The following PSG5 variants were observed in gnomAD, a reference collection of about 807,000 sequenced individuals.
PSG5 encodes pregnancy-specific beta-1-glycoprotein 5.
Under a neutral mutation model 37.7 loss-of-function variants are expected in PSG5, and 53 were observed. The observed-to-expected ratio is 1.41, with a 90% CI of 1.13 to 1.77. PSG5 has a LOEUF of 1.77. PSG5 is among the 40% of genes most tolerant of loss of function. The pLI is 0.00. For missense variants in PSG5, 547 were observed against 405.2 expected (o/e 1.35, Z -3.00); for synonymous variants, 221 against 155.4 (o/e 1.42, Z -3.14).
rs759355689 is a variant in PSG5, at chr19:43,175,467, C to G, written c.712G>C (p.Gly238Arg). The G allele has an allele frequency of 4.4e-6, 7 of 1,603,998 alleles. No homozygotes were observed. The South Asian group carries it at 7.8e-5, about 18-fold the overall frequency. Residue 238 changes from glycine (G) to arginine (R), a missense_variant and splice_region_variant, in exon 4 of 6, where the codon GGT becomes CGT. Physicochemically the swap from Gly to Arg is moderately radical, Grantham distance 125. Coordinates refer to ENST00000342951, the MANE Select transcript of PSG5 (RefSeq NM_002781.4). Reference sequence around the variant, plus strand: ...GGGTAAATGCTGGGGAGGTCTGGACCATCTGGAGCAAAGAGAATGAAGCCA... The same window carrying G: ...GGGTAAATGCTGGGGAGGTCTGGACGATCTGGAGCAAAGAGAATGAAGCCA... Reference protein sequence around the residue: ...SDPVTLNVLYGPDLPSIYPSF... With the variant: ...SDPVTLNVLYRPDLPSIYPSF...
At chr19:43,180,976 A>G (rs1255444853) in intron 2 of PSG5, among the ~76,000 whole-genome samples, 5 of 151,710 alleles carry the variant, frequency 3.3e-5, no homozygotes, top group African/African-American at 1.2e-4. Context: ...CAAAACAGGT[A>G]TGTGAAATGC....
intron 2 of PSG5, chr19:43,180,684 G>C (rs1263846382): frequency 6.6e-6 from 1 of 151,570 alleles, no homozygotes; most frequent in Non-Finnish European, 1.5e-5. Flanking sequence ...AAGATCAATT[G>C]CTGGTAGTAG....
At chr19:43,179,230 G>A (rs1369150362) in intron 2 of PSG5, 3 of 1,458,594 alleles carry the variant, frequency 2.1e-6, no homozygotes, top group East Asian at 4.5e-5. Context: ...TTCAATCAGA[G>A]TTGGCATTTC....
At chr19:43,174,654 C>G (rs1466893754) in intron 4 of PSG5, 2 of 980,558 alleles carry the variant, frequency 2.0e-6, no homozygotes, top group South Asian at 4.7e-5. Flanking sequence ...TCAGGACAGG[C>G]CACCAGGACT....
At chr19:43,171,009 G>A (rs1328474143) in intron 4 of PSG5, 1 of 147,628 alleles carries the variant, frequency 6.8e-6, no homozygotes, top group African/African-American at 2.5e-5. Context: ...GAAAAAGGTA[G>A]GTACTGTTGA....
At chr19:43,174,986 C>G in intron 4 of PSG5, 2 of 1,399,556 alleles carry the variant, frequency 1.4e-6, no homozygotes, top group South Asian at 1.5e-5. Context: ...CTGATAAAGC[C>G]CCCTCCCTAA....
At chr19:43,178,727 C>G (rs1969063532) in intron 2 of PSG5, among the ~76,000 whole-genome samples, 1 of 151,620 alleles carries the variant, frequency 6.6e-6, no homozygotes, top group Admixed American at 6.6e-5. Flanking sequence ...TAGGCCTACT[C>G]TGTTTTGCCT....
chr19:43,174,245 A>G (rs1968958674), intron 4 of PSG5: 1 of 179,882 alleles, frequency 5.6e-6, no homozygotes, highest in Admixed American at 6.6e-5. Context: ...TTGGGTACAG[A>G]GGTTTAATAT....
chr19:43,184,187 C>A (rs1466188681), intron 2 of PSG5, among the ~76,000 whole-genome samples: 1 of 151,696 alleles, frequency 6.6e-6, no homozygotes, highest in Non-Finnish European at 1.5e-5. Flanking sequence ...CCTCTCCACT[C>A]TGAGTGTCAG....
intron 2 of PSG5, among the ~76,000 whole-genome samples, chr19:43,176,752 A>G (rs571702242): frequency 6.6e-6 from 1 of 150,698 alleles, no homozygotes; most frequent in Non-Finnish European, 1.5e-5. Context: ...AGTGTTTTGC[A>G]GGTGTTTCAT....
At position 43,185,162 on chromosome 19, in the gene PSG5, A is replaced by G. The variant is rs1966906087; in HGVS notation, c.65-15T>C. The G allele has an allele frequency of 1.3e-6, 2 of 1,586,864 alleles. No homozygotes were observed. The highest frequency in any genetic ancestry group is 8.6e-7 in the Non-Finnish European group (1 of 1,166,018). On this transcript the variant is annotated splice_polypyrimidine_tract_variant and intron_variant, in intron 1 of 5. Transcript: ENST00000342951. Reference sequence around the variant, plus strand: ...TAAAAGTGATGCTAGGAGGTGGAGAAAGCACCAGTCAATATTGAGACCTGT... The same window carrying G: ...TAAAAGTGATGCTAGGAGGTGGAGAGAGCACCAGTCAATATTGAGACCTGT...
At chr19:43,174,600 C>T in intron 4 of PSG5, 2 of 970,216 alleles carry the variant, frequency 2.1e-6, no homozygotes, top group Non-Finnish European at 2.5e-6. Flanking sequence ...GCAGCCTGGC[C>T]CGGGGGAGGC....
intron 4 of PSG5, among the ~76,000 whole-genome samples, chr19:43,171,800 T>A (rs1968910464): frequency 6.6e-6 from 1 of 151,108 alleles, no homozygotes; most frequent in Non-Finnish European, 1.5e-5. Flanking sequence ...AGATGCTGTC[T>A]CTACAAAAAT....
intron 1 of PSG5, among the ~76,000 whole-genome samples, chr19:43,185,442 C>CGA (rs1966914468): frequency 1.4e-5 from 2 of 140,786 alleles, no homozygotes; most frequent in African/African-American, 5.3e-5. Flanking sequence ...CCCCCCCCCC[C>CGA]ACACTGCCCT....
chr19:43,175,149 T>C, intron 4 of PSG5, 66 bp downstream of exon 4: 3 of 1,610,964 alleles, frequency 1.9e-6, no homozygotes, highest in Non-Finnish European at 2.5e-6. Context: ...TTTTCCTAAC[T>C]CTTCTCTGAA....
Position 43,170,156 on chromosome 19 carries a change from G to A in PSG5, c.965-18C>T. 1 of 1,569,374 alleles carries A rather than the reference G, an allele frequency of 6.4e-7. No homozygotes were observed. Among genetic ancestry groups the A allele is most frequent in the Non-Finnish European group, 8.7e-7 (1 of 1,145,952 alleles). ...TGAAGGAGCTGTCATGGAAAGAAAA[G>A]TAAAGAAGGAATGAAGGTGATGTTA... is the stretch of plus-strand genomic sequence containing the variant. On this transcript the variant is annotated intron_variant, in intron 4 of 5. Transcript: ENST00000342951.
chr19:43,169,680 G>C (rs548672041), intron 5 of PSG5, among the ~76,000 whole-genome samples: 9 of 151,772 alleles, frequency 5.9e-5, no homozygotes, highest in African/African-American at 1.7e-4. Flanking sequence ...ATGCAAGGAA[G>C]GTTTCAAAGT....
intron 2 of PSG5, among the ~76,000 whole-genome samples, chr19:43,176,615 T>C (rs1969017686): frequency 6.6e-6 from 1 of 151,348 alleles, no homozygotes; most frequent in Admixed American, 6.6e-5. Context: ...CCCATTGTCC[T>C]GAAACCCTGA....
At chr19:43,169,121 C>A (rs1397735555) in intron 5 of PSG5, among the ~76,000 whole-genome samples, 1 of 151,610 alleles carries the variant, frequency 6.6e-6, no homozygotes, top group Non-Finnish European at 1.5e-5. Context: ...CTCTATTTCC[C>A]ATCAGATTTC....
Sources: allele counts gnomAD v4.1 joint callset (sites outside exome capture counted in the v4.1 genomes callset), GRCh38; gene constraint gnomAD v4.1.1; transcripts MANE v1.5; gene names NCBI Gene and HGNC (gene_info 2026-07-23, HGNC 2026-07-21).